RANBP2: variants seen among roughly 807,000 people sequenced by gnomAD.
The protein encoded by RANBP2 is E3 SUMO-protein ligase RanBP2.
A neutral mutation model predicts 303.6 loss-of-function variants in RANBP2; 57 were observed. The ratio of observed to expected loss-of-function variants is 0.19; its 90% CI spans 0.15 to 0.23. RANBP2 has a LOEUF of 0.23. RANBP2 is among the 10% of genes least tolerant of loss of function. The pLI, the probability that RANBP2 is intolerant of heterozygous loss-of-function variation, is 1.00. For synonymous variants in RANBP2, 1,167 were observed against 1,301.5 expected, an observed-to-expected ratio of 0.90 and a Z score of 2.23; for missense variants, 3,138 against 3,780.8, an observed-to-expected ratio of 0.83 and a Z score of 4.46.
At chr2:109,625,039 C>G in the RANBP2 span, among the ~76,000 whole-genome samples, 2 of 147,856 alleles carry the variant, frequency 1.4e-5, no homozygotes, top group Admixed American at 1.4e-4. Flanking sequence ...GGAGATGGCA[C>G]CACTGCACTC....
At chr2:109,469,279 T>G in the RANBP2 span, among the ~76,000 whole-genome samples, 1 of 152,348 alleles carries the variant, frequency 6.6e-6, no homozygotes, top group East Asian at 1.9e-4. Context: ...CTAACAGCCC[T>G]AAAGACACCA....
chr2:109,723,958 AG>A, the RANBP2 span, among the ~76,000 whole-genome samples: 1 of 152,160 alleles, frequency 6.6e-6, no homozygotes, highest in African/African-American at 2.4e-5. Context: ...GGTGTAACAA[AG>A]GGGCCCAGTT....
the RANBP2 span, among the ~76,000 whole-genome samples, chr2:109,173,353 C>A: frequency 6.6e-6 from 1 of 152,156 alleles, no homozygotes; most frequent in African/African-American, 2.4e-5. Context: ...ATCAACCGAG[C>A]CGTCCCTGCC....
At chr2:109,378,797 T>A in the RANBP2 span, among the ~76,000 whole-genome samples, 1 of 152,192 alleles carries the variant, frequency 6.6e-6, no homozygotes, top group South Asian at 2.1e-4. Flanking sequence ...TGAAAACTAT[T>A]CCTGGCTTTA....
At chr2:108,720,166 G>T (rs1224735872) in intron 1 of RANBP2, 2 of 983,988 alleles carry the variant, frequency 2.0e-6, no homozygotes, top group African/African-American at 3.5e-5. Context: ...GCTGCGTCGA[G>T]TGACAAGGTA....
At chr2:109,423,624 A>G in the RANBP2 span, among the ~76,000 whole-genome samples, 2 of 152,178 alleles carry the variant, frequency 1.3e-5, no homozygotes, top group Non-Finnish European at 2.9e-5. Flanking sequence ...CCAGGCTTGG[A>G]ACGAAGGCCT....
rs756874724 is a variant in RANBP2 at position 108,763,958 on chromosome 2, C to T, written c.3419C>T (p.Ser1140Leu). Residue 1140 changes from serine (S) to leucine (L), a missense_variant, in exon 20 of 29, where the codon TCA becomes TTA. Physicochemically the swap from Ser to Leu is moderately radical, Grantham distance 145. Transcript: ENST00000283195. ...TTTACTTTCCATGGTCCAGGGAAATCAGTATTTGGAACACCCACTTTAGAG... is the reference window on the plus strand; with the variant it reads ...TTTACTTTCCATGGTCCAGGGAAATTAGTATTTGGAACACCCACTTTAGAG... ...DMFTFHGPGK[S>L]VFGTPTLETA... The T allele has an allele frequency of 4.2e-5, 68 of 1,613,810 alleles. No individual in the cohort carries two copies. The Admixed American group carries it at 5.3e-4, about 13-fold the overall frequency.
At chr2:109,305,328 C>A in the RANBP2 span, among the ~76,000 whole-genome samples, 1 of 152,006 alleles carries the variant, frequency 6.6e-6, no homozygotes, top group Non-Finnish European at 1.5e-5. Context: ...GGATGAAGCG[C>A]CTCTTCTGTG....
chr2:109,516,300 C>T, the RANBP2 span, among the ~76,000 whole-genome samples: 26 of 152,284 alleles, frequency 1.7e-4, no homozygotes, highest in South Asian at 2.1e-4. Flanking sequence ...TCTCCCCTGG[C>T]GTCACTGATG....
chr2:109,060,698 G>A, the RANBP2 span, among the ~76,000 whole-genome samples: 26,317 of 152,142 alleles, frequency 0.17, 2,346 homozygotes, highest in Middle Eastern at 0.21. Context: ...GCCAAGGGCC[G>A]GACACCAGCT....
At chr2:109,243,558 C>A in the RANBP2 span, among the ~76,000 whole-genome samples, 3,049 of 152,210 alleles carry the variant, frequency 0.02, 110 homozygotes, top group African/African-American at 0.069. Context: ...CCATGGGAAC[C>A]TATAATGGAG....
At chr2:109,398,927 G>T in the RANBP2 span, 21 of 1,612,136 alleles carry the variant, frequency 1.3e-5, no homozygotes, top group Non-Finnish European at 1.8e-5. Context: ...CATCTGTCGT[G>T]CGCTGCTCCC....
chr2:109,059,995 C>T, the RANBP2 span, among the ~76,000 whole-genome samples: 1 of 152,088 alleles, frequency 6.6e-6, no homozygotes, highest in Non-Finnish European at 1.5e-5. Flanking sequence ...CCCAGACCTG[C>T]TCCTTGACTT....
the RANBP2 span, among the ~76,000 whole-genome samples, chr2:109,700,564 T>C: frequency 1.3e-5 from 2 of 152,076 alleles, no homozygotes; most frequent in Non-Finnish European, 2.9e-5. Context: ...CAATCAGATA[T>C]GCATTTATAT....
At chr2:109,132,996 A>G in the RANBP2 span, among the ~76,000 whole-genome samples, 1 of 152,258 alleles carries the variant, frequency 6.6e-6, no homozygotes, top group South Asian at 2.1e-4. Flanking sequence ...TTGAGCCTAT[A>G]CAGAACATCT....
At chr2:109,712,354 T>A in the RANBP2 span, among the ~76,000 whole-genome samples, 1 of 152,308 alleles carries the variant, frequency 6.6e-6, no homozygotes, top group African/African-American at 2.4e-5. Context: ...GCACCCTCAC[T>A]CTCAGGGCTA....
the RANBP2 span, among the ~76,000 whole-genome samples, chr2:109,707,014 T>A: frequency 6.6e-6 from 1 of 152,204 alleles, no homozygotes; most frequent in Non-Finnish European, 1.5e-5. Flanking sequence ...ACAGTACAAC[T>A]GCCAGGAGAG....
At chr2:109,640,027 G>A in the RANBP2 span, among the ~76,000 whole-genome samples, 8,515 of 151,612 alleles carry the variant, frequency 0.056, 688 homozygotes, top group East Asian at 0.24. Flanking sequence ...CTAGATTAAG[G>A]TCAGAAAAGA....
the RANBP2 span, among the ~76,000 whole-genome samples, chr2:109,107,854 G>A: frequency 6.6e-6 from 1 of 152,070 alleles, no homozygotes; most frequent in African/African-American, 2.4e-5. Flanking sequence ...TCCTGCCTCA[G>A]CCTCCTGAGT....
Sources: allele counts gnomAD v4.1 joint callset (sites outside exome capture counted in the v4.1 genomes callset), GRCh38; gene constraint gnomAD v4.1.1; transcripts MANE v1.5; gene names NCBI Gene and HGNC (gene_info 2026-07-23, HGNC 2026-07-21).